The following SERGEF variants were observed in gnomAD, a reference collection of about 807,000 sequenced individuals.
SERGEF encodes the protein secretion-regulating guanine nucleotide exchange factor.
Under a neutral mutation model 50.0 loss-of-function variants are expected in SERGEF, and 51 were observed. That is an observed-to-expected ratio of 1.02 (90% confidence interval 0.81 to 1.29). The LOEUF is 1.29. Among genes scored for constraint, SERGEF ranks in the 50% most tolerant of loss-of-function variants. The pLI is 0.00. For synonymous variants in SERGEF, 205 were observed against 212.4 expected (o/e 0.97, Z 0.30); for missense variants, 521 against 557.0 (o/e 0.94, Z 0.65).
At chr11:17,816,850 A>G (rs547166410) in intron 10 of SERGEF, among the ~76,000 whole-genome samples, 1 of 152,246 alleles carries the variant, frequency 6.6e-6, no homozygotes, top group East Asian at 1.9e-4. Flanking sequence ...TCTTCAGGTA[A>G]TGGGGCTGGA....
chr11:17,859,886 A>T (rs917589577), intron 10 of SERGEF, among the ~76,000 whole-genome samples: 1 of 152,214 alleles, frequency 6.6e-6, no homozygotes, highest in Admixed American at 6.5e-5. Context: ...AATTTCAAAG[A>T]ACCAAAAAAT....
intron 1 of SERGEF, among the ~76,000 whole-genome samples, chr11:18,009,515 T>C (rs1422485572): frequency 6.6e-6 from 1 of 152,166 alleles, no homozygotes; most frequent in Non-Finnish European, 1.5e-5. Flanking sequence ...ACACCCATGA[T>C]GGGAAAACCA....
chr11:17,841,052 G>A (rs1171025121), intron 10 of SERGEF, among the ~76,000 whole-genome samples: 1 of 152,146 alleles, frequency 6.6e-6, no homozygotes, highest in African/African-American at 2.4e-5. Flanking sequence ...TTCTTAGGCT[G>A]AATTCTCCCT....
intron 7 of SERGEF, among the ~76,000 whole-genome samples, chr11:17,989,451 G>A (rs904888322): frequency 6.6e-6 from 1 of 152,226 alleles, no homozygotes; most frequent in Non-Finnish European, 1.5e-5. Flanking sequence ...AAAATTGGAA[G>A]GGAAGGCTGT....
intron 9 of SERGEF, among the ~76,000 whole-genome samples, chr11:17,958,862 T>C (rs2133970672): frequency 1.3e-5 from 2 of 152,160 alleles, no homozygotes; most frequent in South Asian, 4.2e-4. Flanking sequence ...TTGTTGTTTT[T>C]TTTGTTTTTG....
At chr11:17,939,461 C>T (rs1317757636) in intron 9 of SERGEF, 2 of 152,198 alleles carry the variant, frequency 1.3e-5, no homozygotes, top group Admixed American at 6.5e-5. Flanking sequence ...AAAAATCTAA[C>T]TCCCCTGAGC....
At chr11:17,809,212 T>TGGGGGAAG (rs1849822704) in intron 10 of SERGEF, among the ~76,000 whole-genome samples, 1 of 152,002 alleles carries the variant, frequency 6.6e-6, no homozygotes, top group African/African-American at 2.4e-5. Context: ...AAGACCTAGC[T>TGGGGGAAG]GGGGGAAGGA....
intron 10 of SERGEF, among the ~76,000 whole-genome samples, chr11:17,806,025 A>G (rs1410498886): frequency 1.3e-5 from 2 of 152,218 alleles, no homozygotes; most frequent in African/African-American, 4.8e-5. Flanking sequence ...GGGCAGCTGG[A>G]TATGAAACCT....
At chr11:17,912,099 A>G (rs985533995) in intron 9 of SERGEF, among the ~76,000 whole-genome samples, 1 of 152,228 alleles carries the variant, frequency 6.6e-6, no homozygotes, top group Non-Finnish European at 1.5e-5. Flanking sequence ...GAGAAACAAA[A>G]CAAAACAAAC....
intron 8 of SERGEF, among the ~76,000 whole-genome samples, chr11:17,983,883 T>C (rs1853543221): frequency 6.7e-6 from 1 of 148,788 alleles, no homozygotes; most frequent in African/African-American, 2.5e-5. Flanking sequence ...CATGGATAAG[T>C]GGCCAAATAG....
intron 10 of SERGEF, among the ~76,000 whole-genome samples, chr11:17,875,086 C>T (rs1851216632): frequency 6.6e-6 from 1 of 152,184 alleles, no homozygotes; most frequent in Non-Finnish European, 1.5e-5. Context: ...ATACAGGTTA[C>T]ACAGCTTGTA....
intron 10 of SERGEF, among the ~76,000 whole-genome samples, chr11:17,818,394 T>C (rs1217293958): frequency 6.6e-6 from 1 of 152,170 alleles, no homozygotes; most frequent in Non-Finnish European, 1.5e-5. Flanking sequence ...ACAGAAAATA[T>C]CTACTAAGTA....
chr11:17,861,981 T>C (rs1850934953), intron 10 of SERGEF, among the ~76,000 whole-genome samples: 2 of 152,306 alleles, frequency 1.3e-5, no homozygotes, highest in African/African-American at 4.8e-5. Flanking sequence ...TCAAGTCATT[T>C]CTCTGCTTTA....
In SERGEF at chr11:17,838,723, C is replaced by T. The variant is rs548644693; in HGVS notation, c.1048+39485G>A. On this transcript the variant is annotated intron_variant, in intron 10 of 10. Transcript: ENST00000265965. ...CACAGGTCTAGTGTGAGAATGAAAA[C>T]GAGATACGGTGTAGAGCACCTACTA... Among the ~76,000 whole-genome samples the T allele has an allele frequency of 9.9e-5, 15 of 152,270 alleles. No homozygotes were observed. In the South Asian group the frequency reaches 1.9e-3, roughly 19 times the overall value.
chr11:17,823,993 G>T (rs145711502), intron 10 of SERGEF, among the ~76,000 whole-genome samples: 1 of 152,242 alleles, frequency 6.6e-6, no homozygotes, highest in East Asian at 1.9e-4. Context: ...CCACTTCAGG[G>T]AAAGTGCCTT....
chr11:17,932,778 G>A lies in SERGEF; in HGVS notation c.1011+26692C>T, dbSNP rs145181882. ...GGAATAGAGATGCGGAACAAATGGA[G>A]AGGCAGAGCAACTTCAAGCTGGGTG... On this transcript the variant is annotated intron_variant, in intron 9 of 10. Transcript: ENST00000265965. Among the ~76,000 whole-genome samples the A allele has an allele frequency of 2.7e-4, 41 of 152,230 alleles. No homozygotes were observed. The East Asian group carries it at 7.0e-3, about 26-fold the overall frequency.
At chr11:17,809,634 G>C (rs1350847676) in intron 10 of SERGEF, among the ~76,000 whole-genome samples, 2 of 152,166 alleles carry the variant, frequency 1.3e-5, no homozygotes, top group Non-Finnish European at 2.9e-5. Context: ...GACAAACAAA[G>C]CCTGAGCTGT....
chr11:17,839,328 T>C lies in SERGEF; in HGVS notation c.1048+38880A>G, dbSNP rs563755616. ...ACATTGTGAACCTCCTAAGACACCA[T>C]CAGAGACACACTTTAGGATTTTATC... On this transcript the variant is annotated intron_variant, in intron 10 of 10. Coordinates refer to ENST00000265965, the MANE Select transcript of SERGEF (RefSeq NM_012139.4). 1.6e-3 allele frequency among the ~76,000 whole-genome samples: 244 copies of C among 152,308 alleles called. 1 individual carries two copies. Among genetic ancestry groups the C allele is most frequent in the African/African-American group, 5.8e-3 (240 of 41,554 alleles).
intron 10 of SERGEF, among the ~76,000 whole-genome samples, chr11:17,861,828 A>G (rs777030054): frequency 6.6e-5 from 10 of 152,266 alleles, no homozygotes; most frequent in Non-Finnish European, 1.3e-4. Flanking sequence ...GACATCCCCT[A>G]TCCAATAGGT....
Sources: allele counts gnomAD v4.1 joint callset (sites outside exome capture counted in the v4.1 genomes callset), GRCh38; gene constraint gnomAD v4.1.1; transcripts MANE v1.5; gene names NCBI Gene and HGNC (gene_info 2026-07-23, HGNC 2026-07-21).